The following ERCC6L2 variants were observed in gnomAD, a reference collection of about 807,000 sequenced individuals.
ERCC6L2 encodes ERCC excision repair 6 like 2.
ERCC6L2 carries 77 observed loss-of-function variants against 132.0 expected under a neutral mutation model. That is an observed-to-expected ratio of 0.58 (90% CI 0.49 to 0.71). The LOEUF is 0.71. Ranked by LOEUF, ERCC6L2 falls within the 30% of genes least tolerant of loss-of-function variation. The pLI is 0.00. For missense variants in ERCC6L2, 1,542 were observed against 1,837.6 expected (o/e 0.84, Z 2.94); for synonymous variants, 583 against 632.4 (o/e 0.92, Z 1.17).
intron 17 of ERCC6L2, among the ~76,000 whole-genome samples, chr9:95,985,303 A>G (rs1336954635): frequency 6.6e-6 from 1 of 152,232 alleles, no homozygotes; most frequent in Non-Finnish European, 1.5e-5. Flanking sequence ...CGTGGGCAGC[A>G]CAGAGTGGGA....
In ERCC6L2 at chr9:95,928,851, C is replaced by T; in HGVS notation, c.1738C>T (p.Leu580Phe). The change falls in exon 11 of 19, where the codon CTT becomes TTT. Residue 580 changes from leucine (L) to phenylalanine (F), a missense_variant. Physicochemically the swap from Leu to Phe is conservative, Grantham distance 22 (BLOSUM62 0). This residue lies in a region of ERCC6L2 where 945 missense variants were observed against 1,105.2 expected (regional missense o/e 0.86). Transcript: ENST00000653738. ...FNSTQDVNIC[L>F]VSTMAGGLGL... ...CAGTACACAAGATGTTAACATTTGC[C>T]TTGTCTCTACAATGTAAGAAAATTA... The T allele has an allele frequency of 6.3e-7, 1 of 1,588,988 alleles. No individual in the cohort carries two copies. Among genetic ancestry groups the T allele is most frequent in the East Asian group, 2.3e-5 (1 of 44,000 alleles).
chr9:96,013,252 C>T lies in ERCC6L2; in HGVS notation c.*49C>T, dbSNP rs766896798. Reference sequence around the variant, plus strand: ...AGTAAACTGCTGCCATCACTGTTTACGGCACTGGATTCCACACTGATTCTA... The same window carrying T: ...AGTAAACTGCTGCCATCACTGTTTATGGCACTGGATTCCACACTGATTCTA... On this transcript the variant is annotated 3_prime_UTR_variant, in exon 19 of 19. Coordinates refer to ENST00000653738, the MANE Select transcript of ERCC6L2 (RefSeq NM_020207.7). 23 of 1,283,508 alleles carry T rather than the reference C, an allele frequency of 1.8e-5. No homozygotes were observed. The highest frequency in any genetic ancestry group is 1.4e-4 in the East Asian group (3 of 21,568). 79.5% of individuals were successfully genotyped at this position (1,283,508 alleles called of 1,614,324 possible). A position where few individuals can be genotyped will look rare whatever the true frequency, so the allele number is the denominator to read the frequency against.
Position 95,971,977 on chromosome 9 carries a change from T to A in ERCC6L2, c.2226T>A (p.Ala742=), listed in dbSNP as rs1411387898. Residue 742 remains alanine (A), a synonymous_variant, in exon 16 of 19, where the codon GCT becomes GCA. Transcript: ENST00000653738. ...DCQECRGTEQ[A]AEPLAKEACD... ...AGGAATGCAGAGGTACAGAACAAGC[T>A]GCAGAGCCACTGGCAAAGGAAGCAT... 7.7e-7 allele frequency: 1 copy of A among 1,304,120 alleles called. No individual in the cohort carries two copies. Among genetic ancestry groups the A allele is most frequent in the Admixed American group, 2.3e-5 (1 of 43,544 alleles). 80.8% of individuals were successfully genotyped at this position (1,304,120 alleles called of 1,614,324 possible). A position where few individuals can be genotyped will look rare whatever the true frequency, so the allele number is the denominator to read the frequency against.
rs766512823 is a variant in ERCC6L2, at chr9:95,972,899, G to T, written c.3148G>T (p.Val1050Phe). The change falls in exon 16 of 19, where the codon GTC becomes TTC. Residue 1050 changes from valine to phenylalanine, a missense_variant. Physicochemically the swap from Val to Phe is conservative, Grantham distance 50. Coordinates refer to ENST00000653738, the MANE Select transcript of ERCC6L2 (RefSeq NM_020207.7). ...DYSSSDESLS[V>F]SHFSFSKQSH... ...TTCATCCTCAGATGAGAGTTTATCCGTCAGCCACTTCAGTTTCTCTAAACA... is the reference window on the plus strand; with the variant it reads ...TTCATCCTCAGATGAGAGTTTATCCTTCAGCCACTTCAGTTTCTCTAAACA... 3 of 1,305,352 alleles carry T rather than the reference G, an allele frequency of 2.3e-6. No individual in the cohort carries two copies. The highest frequency in any genetic ancestry group is 2.1e-4 in the Middle Eastern group (1 of 4,692). The allele number at this position is 1,305,352 out of a possible 1,614,324, so 80.9% of individuals were successfully genotyped here.
At chr9:95,986,548 G>T in intron 17 of ERCC6L2, among the ~76,000 whole-genome samples, 1 of 140,668 alleles carries the variant, frequency 7.1e-6, no homozygotes. Flanking sequence ...CCAGGCCAGT[G>T]TGCAGTGATG....
intron 3 of ERCC6L2, chr9:95,906,810 C>G (rs983059608): frequency 2.0e-6 from 1 of 506,296 alleles, no homozygotes; most frequent in African/African-American, 2.0e-5. Context: ...TTTCTCAGTG[C>G]CTTTTTGGTA....
At chr9:96,029,685 G>A (rs994774475) in intron 19 of ERCC6L2, among the ~76,000 whole-genome samples, 1 of 152,226 alleles carries the variant, frequency 6.6e-6, no homozygotes, top group Non-Finnish European at 1.5e-5. Context: ...CTTCACGTCT[G>A]TTTGGTTCTC....
chr9:96,004,160 A>G (rs901643874), intron 17 of ERCC6L2, among the ~76,000 whole-genome samples: 4 of 152,230 alleles, frequency 2.6e-5, no homozygotes, highest in Admixed American at 2.0e-4. Flanking sequence ...TAATTTTGCA[A>G]TTACTAAATT....
chr9:96,028,865 G>A (rs774838681), intron 19 of ERCC6L2, among the ~76,000 whole-genome samples: 31 of 152,180 alleles, frequency 2.0e-4, no homozygotes, highest in Non-Finnish European at 2.9e-4. Context: ...CACACATACT[G>A]CACAGCAACA....
intron 12 of ERCC6L2, among the ~76,000 whole-genome samples, chr9:95,951,317 A>G (rs1379004058): frequency 6.6e-6 from 1 of 152,244 alleles, no homozygotes; most frequent in Non-Finnish European, 1.5e-5. Context: ...AGTAATGCTA[A>G]GAGGGAAATT....
Position 95,932,548 on chromosome 9 carries a change from T to A in ERCC6L2, c.1751+3684T>A, listed in dbSNP as rs569214359. ...TTTTTGTTTTTGGAGAATCAATGAA[T>A]TTATTAATGAGTTTGAGGAAAATTG... On this transcript the variant is annotated intron_variant, in intron 11 of 18. Coordinates refer to ENST00000653738, the MANE Select transcript of ERCC6L2 (RefSeq NM_020207.7). Among the ~76,000 whole-genome samples the A allele has an allele frequency of 3.3e-5, 5 of 152,264 alleles. No individual in the cohort carries two copies. The South Asian group carries it at 1.0e-3, about 32-fold the overall frequency.
intron 19 of ERCC6L2, among the ~76,000 whole-genome samples, chr9:96,036,732 A>AT (rs1183445794): frequency 2.0e-5 from 3 of 148,442 alleles, no homozygotes; most frequent in Non-Finnish European, 4.5e-5. Context: ...GTGAAGCCCC[A>AT]TTTTTTTAAA....
At chr9:95,921,127 T>A in intron 6 of ERCC6L2, 48 bp from the exon 7 acceptor site, 1 of 1,506,758 alleles carries the variant, frequency 6.6e-7, no homozygotes, top group East Asian at 2.4e-5. Flanking sequence ...ATTTTTATTA[T>A]TGTTATAAAC....
intron 2 of ERCC6L2, among the ~76,000 whole-genome samples, chr9:95,893,940 G>A (rs935024510): frequency 7.9e-5 from 12 of 152,108 alleles, no homozygotes; most frequent in Non-Finnish European, 1.5e-4. Context: ...CTGATTAATA[G>A]TCCCTCTTCT....
At chr9:95,897,110 G>A (rs1828506647) in intron 2 of ERCC6L2, among the ~76,000 whole-genome samples, 1 of 151,562 alleles carries the variant, frequency 6.6e-6, no homozygotes, top group Non-Finnish European at 1.5e-5. Flanking sequence ...CTTCCATATG[G>A]ATACCTCATA....
chr9:95,975,562 T>C (rs1832632756), intron 16 of ERCC6L2, among the ~76,000 whole-genome samples: 2 of 151,338 alleles, frequency 1.3e-5, no homozygotes, highest in Non-Finnish European at 2.9e-5. Context: ...TGTGTCTTCA[T>C]GTTGGTTATC....
chr9:95,876,942 T>C (rs1827304583), intron 1 of ERCC6L2: 1 of 152,194 alleles, frequency 6.6e-6, no homozygotes, highest in Non-Finnish European at 1.5e-5. Context: ...ATATTGTGAC[T>C]GGGAGGCTCA....
At position 96,014,396 on chromosome 9, in the gene ERCC6L2, G is replaced by C. The variant is rs1259168739; in HGVS notation, c.*1193G>C. On this transcript the variant is annotated 3_prime_UTR_variant, in exon 19 of 19. Coordinates refer to ENST00000653738, the MANE Select transcript of ERCC6L2 (RefSeq NM_020207.7). ...ACTCAGGATGTAGAGTCATTGCTCA[G>C]AAGTGAACAAAAAATCAAAAACAAA... 3 of 152,324 alleles carry C rather than the reference G, an allele frequency of 2.0e-5. No homozygotes were observed. Among genetic ancestry groups the C allele is most frequent in the African/African-American group, 7.2e-5 (3 of 41,572 alleles). The allele number at this position is 152,324 out of a possible 1,614,324, so 9.4% of individuals were successfully genotyped here. A position where few individuals can be genotyped will look rare whatever the true frequency, so the allele number is the denominator to read the frequency against.
chr9:96,021,922 G>A (rs1015901256), downstream of ERCC6L2, among the ~76,000 whole-genome samples: 3 of 152,126 alleles, frequency 2.0e-5, no homozygotes, highest in Non-Finnish European at 4.4e-5. This position sits in a 1 kb window ranked among gnomAD's most constrained non-coding sequence, Gnocchi z 4.7. Context: ...CGCCCAGGAT[G>A]GAATCAGGGC....
Sources: gnomAD v4.1 joint callset for allele counts (sites outside exome capture counted in the v4.1 genomes callset) on GRCh38, gnomAD v4.1.1 for gene constraint, gnomAD v4.1.1 regional missense constraint, Gnocchi (gnomAD v3.1) non-coding constraint, MANE v1.5 for transcripts, NCBI Gene and HGNC (gene_info 2026-07-23, HGNC 2026-07-21) for gene names.